PDE1C: variants seen among roughly 807,000 people sequenced by gnomAD.
PDE1C encodes the protein phosphodiesterase 1C.
In PDE1C, 62 loss-of-function variants were observed where a neutral mutation model predicts 93.1. The ratio of observed to expected loss-of-function variants is 0.67; its 90% CI spans 0.54 to 0.82. PDE1C has a LOEUF of 0.82. Among genes scored for constraint, PDE1C ranks in the 40% least tolerant of loss-of-function variants. PDE1C has a pLI of 0.00. For missense variants in PDE1C, 742 were observed against 884.6 expected, an observed-to-expected ratio of 0.84 and a Z score of 2.04; for synonymous variants, 325 against 310.1, an observed-to-expected ratio of 1.05 and a Z score of -0.50.
chr7:31,699,311 A>T, the PDE1C span, among the ~76,000 whole-genome samples: 1 of 152,166 alleles, frequency 6.6e-6, no homozygotes, highest in Non-Finnish European at 1.5e-5. Flanking sequence ...TCACTGGGAC[A>T]TGAAGGGTAA....
intron 17 of PDE1C, among the ~76,000 whole-genome samples, chr7:31,765,837 G>T (rs1452155900): frequency 6.6e-6 from 1 of 152,188 alleles, no homozygotes; most frequent in Admixed American, 6.5e-5. Context: ...AAGTGTGAAA[G>T]AAAAGTGGTT....
chr7:32,006,379 C>G (rs1198729696), intron 2 of PDE1C, among the ~76,000 whole-genome samples: 1 of 152,134 alleles, frequency 6.6e-6, no homozygotes, highest in Non-Finnish European at 1.5e-5. Flanking sequence ...AATCCTCCCC[C>G]ACACTATACA....
intron 3 of PDE1C, among the ~76,000 whole-genome samples, chr7:32,148,841 C>T (rs1292753699): frequency 6.6e-6 from 1 of 152,094 alleles, no homozygotes; most frequent in Non-Finnish European, 1.5e-5. Flanking sequence ...TCCAGGAGGC[C>T]ACTTTGCATA....
Position 32,177,740 on chromosome 7 carries a change from C to G in PDE1C, c.137-7784G>C, listed in dbSNP as rs143388384. 4.5e-3 allele frequency among the ~76,000 whole-genome samples: 679 copies of G among 152,332 alleles called. 5 individuals are homozygous for G. Among genetic ancestry groups the G allele is most frequent in the African/African-American group, 0.016 (650 of 41,570 alleles). ...TCCCCCCTCTGCCCAGTGACCAGCC[C>G]CAGTGCTTCCCTGTATGGCCCACAT... On this transcript the variant is annotated intron_variant, in intron 2 of 18. Coordinates refer to the PDE1C transcript ENST00000396193.
intron 1 of PDE1C, among the ~76,000 whole-genome samples, chr7:32,311,172 C>T (rs918927068): frequency 2.6e-5 from 4 of 152,114 alleles, no homozygotes; most frequent in African/African-American, 2.4e-5. Flanking sequence ...ATAAATTCCT[C>T]AACACATACA....
intron 1 of PDE1C, among the ~76,000 whole-genome samples, chr7:32,314,009 T>G (rs2128905335): frequency 6.6e-6 from 1 of 152,100 alleles, no homozygotes; most frequent in East Asian, 1.9e-4. Flanking sequence ...TTGTCTTTGA[T>G]GTAGAATTAG....
the PDE1C span, among the ~76,000 whole-genome samples, chr7:31,630,396 G>A: frequency 6.6e-6 from 1 of 151,966 alleles, no homozygotes; most frequent in African/African-American, 2.4e-5. Context: ...TCAAAATCAG[G>A]CCTACTTAAA....
At chr7:32,341,471 G>A (rs148326649) in intron 1 of PDE1C, among the ~76,000 whole-genome samples, 2,053 of 152,094 alleles carry the variant, frequency 0.013, 49 homozygotes, top group African/African-American at 0.047. Context: ...CACCGCGCCC[G>A]GCCTATTTTT....
chr7:32,266,862 G>A (rs77624561), intron 1 of PDE1C, among the ~76,000 whole-genome samples: 3,237 of 129,724 alleles, frequency 0.025, 120 homozygotes, highest in African/African-American at 0.085. Context: ...GATTAAATGT[G>A]CAAAGATTTC....
At chr7:31,839,583 AACG>A (rs1427793503) in intron 9 of PDE1C, among the ~76,000 whole-genome samples, 4 of 152,168 alleles carry the variant, frequency 2.6e-5, no homozygotes, top group African/African-American at 7.2e-5. Context: ...TTTACTAGCT[AACG>A]GACATTCAAG....
At chr7:31,776,279 G>A (rs1230480915) in intron 16 of PDE1C, among the ~76,000 whole-genome samples, 8 of 152,172 alleles carry the variant, frequency 5.3e-5, no homozygotes, top group East Asian at 3.9e-4. Context: ...GCAAAATGAC[G>A]AGAATGACAA....
chr7:31,940,459 G>C (rs1805667187), intron 2 of PDE1C, among the ~76,000 whole-genome samples: 1 of 152,158 alleles, frequency 6.6e-6, no homozygotes, highest in Non-Finnish European at 1.5e-5. Flanking sequence ...TAGGCTAGAA[G>C]AAAACTACAG....
At chr7:31,634,497 G>A in the PDE1C span, among the ~76,000 whole-genome samples, 1 of 152,188 alleles carries the variant, frequency 6.6e-6, no homozygotes, top group Non-Finnish European at 1.5e-5. Context: ...CTCAGAGAGA[G>A]TAAGAGGCAA....
intron 2 of PDE1C, among the ~76,000 whole-genome samples, chr7:32,206,230 G>A (rs1280941639): frequency 6.6e-6 from 1 of 152,098 alleles, no homozygotes; most frequent in African/African-American, 2.4e-5. Flanking sequence ...TTTGGGGATT[G>A]TGTATGCTGA....
intron 2 of PDE1C, among the ~76,000 whole-genome samples, chr7:31,899,102 T>C (rs1177494984): frequency 1.3e-5 from 2 of 151,048 alleles, no homozygotes; most frequent in Non-Finnish European, 2.9e-5. Context: ...CTTTTAGTAC[T>C]GATCCTTACC....
At chr7:31,620,689 A>T in the PDE1C span, among the ~76,000 whole-genome samples, 2 of 151,908 alleles carry the variant, frequency 1.3e-5, no homozygotes, top group Non-Finnish European at 2.9e-5. Context: ...TGGAAACTCT[A>T]AAAAGCAGAG....
At chr7:31,668,221 T>C in the PDE1C span, among the ~76,000 whole-genome samples, 1 of 152,114 alleles carries the variant, frequency 6.6e-6, no homozygotes, top group African/African-American at 2.4e-5. Context: ...CTTACATTGC[T>C]ATTGGGAAAG....
intron 2 of PDE1C, among the ~76,000 whole-genome samples, chr7:32,190,297 A>G (rs1392444729): frequency 6.6e-6 from 1 of 152,192 alleles, no homozygotes; most frequent in East Asian, 1.9e-4. Flanking sequence ...TTCACAGCCT[A>G]CAAAACTGTA....
chr7:31,982,021 C>T (rs1199381182), intron 2 of PDE1C, among the ~76,000 whole-genome samples: 2 of 152,168 alleles, frequency 1.3e-5, no homozygotes, highest in Non-Finnish European at 2.9e-5. Flanking sequence ...AGATAACCCC[C>T]CTTCTAATCT....
Sources: gnomAD v4.1 joint callset for allele counts (sites outside exome capture counted in the v4.1 genomes callset) on GRCh38, gnomAD v4.1.1 for gene constraint, MANE v1.5 for transcripts, NCBI Gene and HGNC (gene_info 2026-07-23, HGNC 2026-07-21) for gene names.